Variants in REDIC1 observed in about 807,000 individuals in gnomAD.
REDIC1 encodes regulator of DNA class I crossover intermediates 1.
the REDIC1 span, among the ~76,000 whole-genome samples, chr12:39,666,877 A>G: frequency 3.4e-4 from 51 of 152,154 alleles, no homozygotes; most frequent in African/African-American, 1.1e-3. Flanking sequence ...GTATTCTCTG[A>G]TGGTAGTTTG....
chr12:39,638,723 T>G, the REDIC1 span, among the ~76,000 whole-genome samples: 1 of 152,028 alleles, frequency 6.6e-6, no homozygotes, highest in African/African-American at 2.4e-5. Flanking sequence ...GAAATGACCT[T>G]TGACATATAT....
chr12:39,717,249 G>C, the REDIC1 span, among the ~76,000 whole-genome samples: 5 of 151,512 alleles, frequency 3.3e-5, no homozygotes, highest in East Asian at 9.7e-4. Context: ...CTGAATAAAA[G>C]GTTTGACTCC....
At chr12:39,697,670 C>G in the REDIC1 span, among the ~76,000 whole-genome samples, 1 of 152,032 alleles carries the variant, frequency 6.6e-6, no homozygotes. Context: ...TTTATGCAAA[C>G]AATTAAGTTG....
At chr12:39,826,854 A>ATTTTTTT in the REDIC1 span, among the ~76,000 whole-genome samples, 17 of 67,388 alleles carry the variant, frequency 2.5e-4, 4 homozygotes, top group Non-Finnish European at 3.3e-4. Flanking sequence ...GTCTCTTTCA[A>ATTTTTTT]TTTTTTTTTT....
At chr12:39,795,417 CTT>C in the REDIC1 span, among the ~76,000 whole-genome samples, 2 of 152,138 alleles carry the variant, frequency 1.3e-5, no homozygotes, top group Middle Eastern at 3.4e-3. Context: ...CCAAAATTCT[CTT>C]TTATTTTTTA....
the REDIC1 span, among the ~76,000 whole-genome samples, chr12:39,798,840 A>G: frequency 6.6e-6 from 1 of 152,036 alleles, no homozygotes; most frequent in African/African-American, 2.4e-5. Context: ...AATGATGTAT[A>G]AACATATGTT....
At chr12:39,761,736 G>A in the REDIC1 span, among the ~76,000 whole-genome samples, 1 of 151,890 alleles carries the variant, frequency 6.6e-6, no homozygotes, top group Non-Finnish European at 1.5e-5. Flanking sequence ...GGACAAAGAC[G>A]GGATAGTAAT....
At chr12:39,902,195 G>T in the REDIC1 span, among the ~76,000 whole-genome samples, 11 of 132,980 alleles carry the variant, frequency 8.3e-5, no homozygotes, top group African/African-American at 3.0e-4. Flanking sequence ...ACTGTTGTGG[G>T]GTGGGGTGGG....
the REDIC1 span, among the ~76,000 whole-genome samples, chr12:39,700,331 A>G: frequency 6.6e-6 from 1 of 152,214 alleles, no homozygotes; most frequent in South Asian, 2.1e-4. Flanking sequence ...ACTGGAAGAA[A>G]GGGTATCAGC....
the REDIC1 span, chr12:39,721,334 A>T: frequency 8.4e-7 from 1 of 1,191,668 alleles, no homozygotes; most frequent in South Asian, 1.4e-5. Context: ...CATTAACATG[A>T]TAAGAAATGA....
At chr12:39,696,555 A>AT in the REDIC1 span, among the ~76,000 whole-genome samples, 1 of 129,958 alleles carries the variant, frequency 7.7e-6, no homozygotes, top group South Asian at 2.5e-4. Context: ...AAAAAAAAAA[A>AT]AAAAAAAAAA....
chr12:39,654,362 C>T, the REDIC1 span, among the ~76,000 whole-genome samples: 10 of 151,808 alleles, frequency 6.6e-5, no homozygotes, highest in Admixed American at 1.3e-4. Context: ...CCAAGGTGGG[C>T]GGATCACGAG....
chr12:39,868,160 G>C, the REDIC1 span, among the ~76,000 whole-genome samples: 1 of 152,234 alleles, frequency 6.6e-6, no homozygotes, highest in South Asian at 2.1e-4. Context: ...ATACAAGAAG[G>C]CTTTGGATGA....
At chr12:39,777,041 G>A in the REDIC1 span, among the ~76,000 whole-genome samples, 1 of 152,100 alleles carries the variant, frequency 6.6e-6, no homozygotes, top group African/African-American at 2.4e-5. Flanking sequence ...TTCCAACTAT[G>A]CTGTACTATA....
chr12:39,762,639 T>C, the REDIC1 span, among the ~76,000 whole-genome samples: 4 of 152,108 alleles, frequency 2.6e-5, no homozygotes, highest in South Asian at 2.1e-4. Context: ...AAAGAAGACA[T>C]AACTATTTCC....
chr12:39,644,223 C>T, the REDIC1 span, among the ~76,000 whole-genome samples: 1 of 151,610 alleles, frequency 6.6e-6, no homozygotes, highest in Non-Finnish European at 1.5e-5. Flanking sequence ...AGCTAGAGAG[C>T]AGGGAATAAA....
At chr12:39,713,170 T>C in the REDIC1 span, among the ~76,000 whole-genome samples, 201 of 149,600 alleles carry the variant, frequency 1.3e-3, 3 homozygotes, top group African/African-American at 4.6e-3. Context: ...CACGTGTATA[T>C]ATGTGCATAT....
the REDIC1 span, among the ~76,000 whole-genome samples, chr12:39,839,279 C>G: frequency 6.6e-6 from 1 of 152,022 alleles, no homozygotes; most frequent in Non-Finnish European, 1.5e-5. Flanking sequence ...AACTCTGGAA[C>G]ACCTGCCTTC....
chr12:39,751,234 A>C, the REDIC1 span, among the ~76,000 whole-genome samples: 2 of 150,590 alleles, frequency 1.3e-5, no homozygotes, highest in South Asian at 4.2e-4. Flanking sequence ...CAACTCCATC[A>C]AAAAGGATAT....
Sources: allele counts gnomAD v4.1 joint callset (sites outside exome capture counted in the v4.1 genomes callset), GRCh38; gene constraint gnomAD v4.1.1; transcripts MANE v1.5; gene names NCBI Gene and HGNC (gene_info 2026-07-23, HGNC 2026-07-21).